Variants in MTSS1 observed in about 807,000 individuals in gnomAD.
MTSS1 encodes the protein MTSS I-BAR domain containing 1.
MTSS1 carries 18 observed loss-of-function variants against 79.0 expected under a neutral mutation model. The ratio of observed to expected loss-of-function variants is 0.23; its 90% CI spans 0.16 to 0.34. The LOEUF is 0.34. Ranked by LOEUF, MTSS1 falls within the 10% of genes least tolerant of loss-of-function variation. The probability of loss-of-function intolerance (pLI) is 1.00; values close to 1 mark genes in which losing one functional copy is unlikely to be tolerated. For missense variants in MTSS1, 815 were observed against 986.2 expected (o/e 0.83, Z 2.33); for synonymous variants, 341 against 368.6 (o/e 0.93, Z 0.86).
intron 3 of MTSS1, among the ~76,000 whole-genome samples, chr8:124,598,498 G>C (rs375830064): frequency 2.0e-5 from 3 of 152,146 alleles, no homozygotes; most frequent in East Asian, 1.9e-4. Flanking sequence ...AGGGCTCACT[G>C]TTTCCAGTGC....
intron 1 of MTSS1, among the ~76,000 whole-genome samples, chr8:124,725,888 G>T (rs142244131): frequency 1.0e-3 from 158 of 151,992 alleles, no homozygotes; most frequent in South Asian, 1.9e-3. Flanking sequence ...TTCATCTCTC[G>T]AGTCTCCAAA....
intron 3 of MTSS1, among the ~76,000 whole-genome samples, chr8:124,600,345 A>G (rs1013961599): frequency 3.3e-5 from 5 of 152,228 alleles, no homozygotes; most frequent in Non-Finnish European, 7.3e-5. Context: ...CACTGCAAAC[A>G]TTTACATAGC....
At chr8:124,702,087 T>C (rs1829781546) in intron 2 of MTSS1, among the ~76,000 whole-genome samples, 1 of 152,220 alleles carries the variant, frequency 6.6e-6, no homozygotes, top group African/African-American at 2.4e-5. Flanking sequence ...AGACAGCTGA[T>C]CTGTTCATTA....
chr8:124,654,282 G>A (rs1367967503), intron 3 of MTSS1, among the ~76,000 whole-genome samples: 5 of 152,136 alleles, frequency 3.3e-5, no homozygotes, highest in African/African-American at 9.7e-5. Context: ...ATGTTTCACC[G>A]TCTTCGCTCA....
At position 124,558,818 on chromosome 8, in the gene MTSS1, C is replaced by T. The variant is rs548156528; in HGVS notation, c.1036-943G>A. The T allele has an allele frequency of 2.6e-5, 40 of 1,561,972 alleles. No individual in the cohort carries two copies. In the East Asian group the frequency reaches 7.0e-4, roughly 27 times the overall value. On this transcript the variant is annotated intron_variant, in intron 10 of 13. Coordinates refer to ENST00000518547, the MANE Select transcript of MTSS1 (RefSeq NM_014751.6). The stretch of plus-strand genomic sequence containing the variant: ...AGGTTTCCGAGGCTTCGGAGGAGGC[C>T]GAGCTGGACGAGTTCTGCAGCAGGG...
At chr8:124,640,884 A>ACC in intron 3 of MTSS1, among the ~76,000 whole-genome samples, 1 of 152,066 alleles carries the variant, frequency 6.6e-6, no homozygotes, top group Non-Finnish European at 1.5e-5. Context: ...CTCTTTATTT[A>ACC]TACTGATTGT....
rs926396708 is a variant in MTSS1, at chr8:124,727,032, T to G, written c.72+852A>C. ...AAATCCACATCCGAGGATCAGGTTA[T>G]CCCCAGTCCCACCCTTTGCAGGAAA... On this transcript the variant is annotated intron_variant, in intron 1 of 13. Transcript: ENST00000518547. This position sits in a 1 kb window ranked among gnomAD's most constrained non-coding sequence, Gnocchi z 4.7. Among the ~76,000 whole-genome samples the G allele has an allele frequency of 1.4e-4, 21 of 152,072 alleles. No individual in the cohort carries two copies. Among genetic ancestry groups the G allele is most frequent in the African/African-American group, 5.1e-4 (21 of 41,382 alleles).
At chr8:124,716,789 G>A (rs768933523) in intron 1 of MTSS1, among the ~76,000 whole-genome samples, 2 of 152,132 alleles carry the variant, frequency 1.3e-5, no homozygotes, top group Non-Finnish European at 2.9e-5. Flanking sequence ...TCCACATCTA[G>A]CTCCTTTAGA....
chr8:124,610,012 C>T (rs111557645), intron 3 of MTSS1, among the ~76,000 whole-genome samples: 10 of 152,204 alleles, frequency 6.6e-5, no homozygotes, highest in African/African-American at 9.6e-5. Flanking sequence ...CTGTGAGCTC[C>T]GGGAGGCCTG....
intron 1 of MTSS1, among the ~76,000 whole-genome samples, chr8:124,726,366 G>A (rs768151140): frequency 1.3e-5 from 2 of 152,206 alleles, no homozygotes; most frequent in African/African-American, 2.4e-5. Context: ...GGACAGATCC[G>A]TCAGTGTGCA....
At chr8:124,565,791 G>T in intron 8 of MTSS1, 32 bp from the exon 9 acceptor site, 4 of 1,537,530 alleles carry the variant, frequency 2.6e-6, no homozygotes, top group Non-Finnish European at 3.6e-6. Flanking sequence ...GGTGAATGAG[G>T]TGCTGAGAGG....
Position 124,728,082 on chromosome 8 carries a change from T to C in MTSS1, c.-127A>G. The C allele has an allele frequency of 4.2e-6, 3 of 718,792 alleles. No homozygotes were observed. The highest frequency in any genetic ancestry group is 6.8e-6 in the Non-Finnish European group (3 of 438,438). 44.5% of individuals were successfully genotyped at this position (718,792 alleles called of 1,614,324 possible). A position where few individuals can be genotyped will look rare whatever the true frequency, so the allele number is the denominator to read the frequency against. The stretch of plus-strand genomic sequence containing the variant: ...CCCACCTCGGACTCGCAGCCTCTTC[T>C]GCAGCGAGGACGGGGTGCACCAGAC... On this transcript the variant is annotated 5_prime_UTR_variant, in exon 1 of 14. Transcript: ENST00000518547. This position sits in a 1 kb window ranked among gnomAD's most constrained non-coding sequence, Gnocchi z 6.1.
intron 1 of MTSS1, among the ~76,000 whole-genome samples, chr8:124,716,409 A>T (rs1027099876): frequency 6.6e-6 from 1 of 152,228 alleles, no homozygotes; most frequent in Non-Finnish European, 1.5e-5. Flanking sequence ...TCTGTGGTGG[A>T]GTCGGGGATG....
chr8:124,680,067 T>C (rs111841273), intron 3 of MTSS1, among the ~76,000 whole-genome samples: 9 of 152,218 alleles, frequency 5.9e-5, no homozygotes, highest in Non-Finnish European at 1.3e-4. Flanking sequence ...TTGATCATTA[T>C]GTATGTATTA....
intron 9 of MTSS1, chr8:124,563,306 C>T (rs914880539): frequency 1.7e-5 from 6 of 358,742 alleles, no homozygotes; most frequent in Middle Eastern, 8.4e-4. Context: ...ACGTCAAGTG[C>T]GCCCAACTCT....
intron 10 of MTSS1, chr8:124,558,783 A>C: frequency 2.5e-6 from 4 of 1,582,824 alleles, no homozygotes; most frequent in Non-Finnish European, 3.4e-6. Flanking sequence ...GCACTCGCTC[A>C]CTGACTGGCA....
chr8:124,613,565 C>T (rs1044265645), intron 3 of MTSS1, among the ~76,000 whole-genome samples: 1 of 152,342 alleles, frequency 6.6e-6, no homozygotes, highest in African/African-American at 2.4e-5. Flanking sequence ...ATGTGTGTAA[C>T]AATTGGGAGG....
intron 3 of MTSS1, among the ~76,000 whole-genome samples, chr8:124,598,590 T>C (rs1018216684): frequency 2.6e-5 from 4 of 152,222 alleles, no homozygotes; most frequent in African/African-American, 9.7e-5. Flanking sequence ...TGAAAAGCTA[T>C]TAAGTTCACT....
intron 3 of MTSS1, among the ~76,000 whole-genome samples, chr8:124,595,797 G>T (rs1462816103): frequency 6.6e-6 from 1 of 152,180 alleles, no homozygotes; most frequent in Non-Finnish European, 1.5e-5. Context: ...TGAATCTGGA[G>T]AGTGTGGCAG....
Sources: allele counts gnomAD v4.1 joint callset (sites outside exome capture counted in the v4.1 genomes callset), GRCh38; gene constraint gnomAD v4.1.1; non-coding constraint Gnocchi (gnomAD v3.1); transcripts MANE v1.5; gene names NCBI Gene and HGNC (gene_info 2026-07-23, HGNC 2026-07-21).